Variants in EXTL2 observed in about 807,000 individuals in gnomAD.
EXTL2 encodes the protein exostosin-like 2.
In EXTL2, 23 loss-of-function variants were observed where a neutral mutation model predicts 30.7. The ratio of observed to expected loss-of-function variants is 0.75; its 90% CI spans 0.54 to 1.06. The LOEUF is 1.06. Among genes scored for constraint, EXTL2 ranks in the 50% least tolerant of loss-of-function variants. EXTL2 has a pLI of 0.00. For missense variants in EXTL2, 352 were observed against 396.3 expected (o/e 0.89, Z 0.95); for synonymous variants, 123 against 133.8 (o/e 0.92, Z 0.56).
intron 2 of EXTL2, among the ~76,000 whole-genome samples, chr1:100,883,269 G>T (rs918193084): frequency 6.6e-6 from 1 of 152,180 alleles, no homozygotes; most frequent in African/African-American, 2.4e-5. Flanking sequence ...ATACAGTTCA[G>T]TAGCTTTTAA....
chr1:100,873,395 T>C lies in EXTL2; in HGVS notation c.*547A>G, dbSNP rs1389837013. 1.3e-5 allele frequency: 2 copies of C among 152,484 alleles called. No individual in the cohort carries two copies. Among genetic ancestry groups the C allele is most frequent in the Non-Finnish European group, 2.9e-5 (2 of 68,094 alleles). 9.4% of individuals were successfully genotyped at this position (152,484 alleles called of 1,614,324 possible). A position where few individuals can be genotyped will look rare whatever the true frequency, so the allele number is the denominator to read the frequency against. ...ATGGATGGTTACATCAAAACCATGC[T>C]GGACTGAGTTCGTCCTGGAAGAGCT... is the stretch of plus-strand genomic sequence containing the variant. On this transcript the variant is annotated 3_prime_UTR_variant, in exon 5 of 5. Transcript: ENST00000370114.
upstream of EXTL2, chr1:100,895,003 T>C (rs1650778685): frequency 6.6e-6 from 1 of 152,254 alleles, no homozygotes; most frequent in South Asian, 2.1e-4. Flanking sequence ...ACGGACCACC[T>C]TCCCTCAGCC....
chr1:100,885,919 C>T (rs528742485), intron 2 of EXTL2: 1 of 152,164 alleles, frequency 6.6e-6, no homozygotes, highest in Admixed American at 6.5e-5. Flanking sequence ...AAATCTAAAA[C>T]AAAATAATTT....
intron 4 of EXTL2, 70 bp downstream of exon 4, chr1:100,876,724 C>T: frequency 2.0e-6 from 2 of 997,734 alleles, no homozygotes; most frequent in Middle Eastern, 2.1e-4. Flanking sequence ...CTATATTAAC[C>T]ATGTTGCCGT....
At chr1:100,880,320 G>A (rs1649457442) in intron 2 of EXTL2, among the ~76,000 whole-genome samples, 1 of 152,144 alleles carries the variant, frequency 6.6e-6, no homozygotes, top group Non-Finnish European at 1.5e-5. Flanking sequence ...CAACAGTCCA[G>A]ATTTGAAAAG....
chr1:100,887,543 A>G (rs1018425860), intron 2 of EXTL2, among the ~76,000 whole-genome samples: 1 of 152,214 alleles, frequency 6.6e-6, no homozygotes, highest in Non-Finnish European at 1.5e-5. Flanking sequence ...ACAATGTTTC[A>G]AATCTTTAGA....
At chr1:100,884,093 A>G (rs2100946593) in intron 2 of EXTL2, among the ~76,000 whole-genome samples, 1 of 152,352 alleles carries the variant, frequency 6.6e-6, no homozygotes, top group African/African-American at 2.4e-5. Flanking sequence ...TCCAGAGAGA[A>G]GCTGAAAACA....
At chr1:100,879,664 GA>G (rs1390274977) in intron 2 of EXTL2, among the ~76,000 whole-genome samples, 2 of 152,078 alleles carry the variant, frequency 1.3e-5, no homozygotes, top group Non-Finnish European at 2.9e-5. Context: ...AATACAGCTG[GA>G]TAAGACTTTT....
chr1:100,891,786 C>T (rs1377095776), intron 1 of EXTL2, among the ~76,000 whole-genome samples: 1 of 152,186 alleles, frequency 6.6e-6, no homozygotes, highest in East Asian at 1.9e-4. Context: ...ATTCCAGCCC[C>T]TCTCATCCTA....
rs2100907699 is a variant in EXTL2, at chr1:100,874,149, T to C, written c.786A>G (p.Ile262Met). The change falls in exon 5 of 5, where the codon ATA (isoleucine) becomes ATG (methionine). Residue 262 changes from isoleucine to methionine, a missense_variant. Ile to Met is a conservative substitution (Grantham distance 10, BLOSUM62 1). Transcript: ENST00000370114. ...TGTCCATGTTTACAGGCTTCACAAATATCCCTGAAGTCTTGCCAATATGCT... is the reference window on the plus strand; with the variant it reads ...TGTCCATGTTTACAGGCTTCACAAACATCCCTGAAGTCTTGCCAATATGCT... ...IAKHIGKTSG[I>M]FVKPVNMDNL... is the part of the protein sequence containing the mutation. The C allele has an allele frequency of 1.2e-6, 2 of 1,613,042 alleles. No homozygotes were observed. The highest frequency in any genetic ancestry group is 1.7e-6 in the Non-Finnish European group (2 of 1,179,494).
At chr1:100,892,581 T>C (rs748468616) in intron 1 of EXTL2, among the ~76,000 whole-genome samples, 3 of 152,144 alleles carry the variant, frequency 2.0e-5, no homozygotes, top group Admixed American at 6.5e-5. Flanking sequence ...TCAGTTCTTT[T>C]TAATAAACTC....
intron 2 of EXTL2, among the ~76,000 whole-genome samples, chr1:100,879,696 G>A (rs79014218): frequency 1.3e-5 from 2 of 152,248 alleles, no homozygotes; most frequent in East Asian, 1.9e-4. Context: ...CACAGCTGAA[G>A]TATACTAACT....
intron 1 of EXTL2, among the ~76,000 whole-genome samples, chr1:100,892,071 G>C (rs61780285): frequency 0.11 from 16,946 of 152,234 alleles, 1,209 homozygotes; most frequent in Non-Finnish European, 0.16. Context: ...GTTGACAAGG[G>C]ATGGACTTGT....
chr1:100,874,922 CAAT>C (rs796578935), intron 4 of EXTL2, among the ~76,000 whole-genome samples: 148 of 151,960 alleles, frequency 9.7e-4, no homozygotes, highest in African/African-American at 3.5e-3. Flanking sequence ...TGATTTTAAA[CAAT>C]GTTATATTTA....
chr1:100,878,699 A>AATTTATT (rs2100926907), intron 2 of EXTL2, among the ~76,000 whole-genome samples: 1 of 152,140 alleles, frequency 6.6e-6, no homozygotes, highest in Non-Finnish European at 1.5e-5. Flanking sequence ...TCTTGGATCT[A>AATTTATT]ATTTATTATT....
rs563369409 is a variant in EXTL2 at position 100,875,101 on chromosome 1, A to G, written c.505-671T>C. ...GTAGATGAGCATGACTAAAAATAAA[A>G]CAACAATCAGCAAACAAAAGAAAAA... On this transcript the variant is annotated intron_variant, in intron 4 of 4. Transcript: ENST00000370114. Among the ~76,000 whole-genome samples the G allele has an allele frequency of 2.6e-5, 4 of 152,136 alleles. No homozygotes were observed. The South Asian group carries it at 8.3e-4, about 31-fold the overall frequency.
chr1:100,893,067 C>A (rs1164286499), intron 1 of EXTL2, among the ~76,000 whole-genome samples: 1 of 152,124 alleles, frequency 6.6e-6, no homozygotes, highest in Non-Finnish European at 1.5e-5. Context: ...TGGGGTTTTT[C>A]CACCCATAGA....
rs1293056012 is a variant in EXTL2 at position 100,877,995 on chromosome 1, C to T, written c.6-92G>A. 2 of 981,808 alleles carry T rather than the reference C, an allele frequency of 2.0e-6. No individual in the cohort carries two copies. The highest frequency in any genetic ancestry group is 3.0e-6 in the Non-Finnish European group (2 of 677,448). 60.8% of individuals were successfully genotyped at this position (981,808 alleles called of 1,614,324 possible). On this transcript the variant is annotated intron_variant, in intron 2 of 4. Coordinates refer to ENST00000370114, the MANE Select transcript of EXTL2 (RefSeq NM_001033025.3). The surrounding 1 kb of genome is among the most constrained non-coding windows in gnomAD (Gnocchi z 4.1). ...TTTTCCAATGAGGAAAGATATCAAT[C>T]TTATTTTAGTTGATTCAAATTCAGT...
At chr1:100,878,246 A>C (rs957580440) in intron 2 of EXTL2, 1 of 321,796 alleles carries the variant, frequency 3.1e-6, no homozygotes, top group South Asian at 2.9e-5. Context: ...GTAATATATT[A>C]ATTTCGAATC....
Sources: gnomAD v4.1 joint callset for allele counts (sites outside exome capture counted in the v4.1 genomes callset) on GRCh38, gnomAD v4.1.1 for gene constraint, Gnocchi (gnomAD v3.1) non-coding constraint, MANE v1.5 for transcripts, NCBI Gene and HGNC (gene_info 2026-07-23, HGNC 2026-07-21) for gene names.